ZNF564: variants seen among roughly 807,000 people sequenced by gnomAD.
ZNF564 encodes zinc finger protein 564.
Under a neutral mutation model 10.5 loss-of-function variants are expected in ZNF564, and 5 were observed. That is an observed-to-expected ratio of 0.48 (90% CI 0.25 to 1.00). The LOEUF is 1.00. ZNF564 is among the 50% of genes least tolerant of loss of function. The probability of loss-of-function intolerance (pLI) is 0.16; values close to 1 mark genes in which losing one functional copy is unlikely to be tolerated. For synonymous variants in ZNF564, 242 were observed against 218.1 expected (o/e 1.11, Z -0.97); for missense variants, 603 against 669.7 (o/e 0.90, Z 1.10).
intron 1 of ZNF564, chr19:12,550,575 G>A: frequency 4.8e-6 from 1 of 210,040 alleles, no homozygotes; most frequent in Non-Finnish European, 1.1e-5. Flanking sequence ...AGAATTGCTT[G>A]AACCCGGAAG....
At chr19:12,528,728 A>G in intron 1 of ZNF564, 32 bp from the exon 2 acceptor site, 1 of 1,594,908 alleles carries the variant, frequency 6.3e-7, no homozygotes, top group Non-Finnish European at 8.5e-7. Context: ...ATGCAGGAGG[A>G]AGAATGAGAT....
chr19:12,539,755 C>A (rs1473971511), intron 1 of ZNF564, among the ~76,000 whole-genome samples: 1 of 151,802 alleles, frequency 6.6e-6, no homozygotes, highest in African/African-American at 2.4e-5. Flanking sequence ...GTGGGCGGAT[C>A]ACAAGGTCAG....
At chr19:12,541,842 C>G (rs980847842) in intron 1 of ZNF564, among the ~76,000 whole-genome samples, 1 of 149,492 alleles carries the variant, frequency 6.7e-6, no homozygotes, top group Non-Finnish European at 1.5e-5. Context: ...GGTGAAACCC[C>G]GTCTCTACTA....
At chr19:12,528,104 C>T (rs539139245) in intron 3 of ZNF564, among the ~76,000 whole-genome samples, 188 bp from the exon 4 acceptor site, 1 of 152,234 alleles carries the variant, frequency 6.6e-6, no homozygotes, top group Non-Finnish European at 1.5e-5. Context: ...AAGTGATATC[C>T]ATATATACAG....
intron 1 of ZNF564, among the ~76,000 whole-genome samples, chr19:12,530,792 G>A (rs1398846114): frequency 6.6e-6 from 1 of 152,086 alleles, no homozygotes. Context: ...TTAGAAATGG[G>A]AACTTGCTCC....
rs900772327 is a variant in ZNF564, at chr19:12,540,670, T to C, written c.3+10660A>G. 4.3e-4 allele frequency among the ~76,000 whole-genome samples: 65 copies of C among 151,966 alleles called. 1 individual carries two copies. The highest frequency in any genetic ancestry group is 1.0e-3 in the Admixed American group (16 of 15,246). On this transcript the variant is annotated intron_variant, in intron 1 of 3. Transcript: ENST00000339282. ...GAGATCGCCACCATCCTGGCTAACA[T>C]GATGAAACCCCGTCTCTACTAAAAA...
intron 1 of ZNF564, among the ~76,000 whole-genome samples, chr19:12,539,277 A>T (rs1038484071): frequency 2.6e-5 from 4 of 151,448 alleles, no homozygotes; most frequent in African/African-American, 9.7e-5. Context: ...GGTAGGGAAA[A>T]GGGGCTCTGT....
chr19:12,536,274 T>G (rs982628337), intron 1 of ZNF564, among the ~76,000 whole-genome samples: 109 of 152,158 alleles, frequency 7.2e-4, no homozygotes, highest in Non-Finnish European at 8.7e-4. Flanking sequence ...CCTCCAAGGC[T>G]AAAGTGATCC....
intron 1 of ZNF564, among the ~76,000 whole-genome samples, chr19:12,540,425 A>C (rs1372329762): frequency 6.6e-6 from 1 of 152,216 alleles, no homozygotes; most frequent in Non-Finnish European, 1.5e-5. Context: ...GTCAACATTT[A>C]AAAGAGAGCA....
chr19:12,550,348 C>A, intron 1 of ZNF564: 1 of 147,864 alleles, frequency 6.8e-6, no homozygotes, highest in South Asian at 1.8e-4. Flanking sequence ...CCGTTTCCCT[C>A]TCAGGTTACA....
chr19:12,550,247 G>C (rs1327733357), intron 1 of ZNF564: 1 of 143,378 alleles, frequency 7.0e-6, no homozygotes, highest in Non-Finnish European at 1.5e-5. Flanking sequence ...AGCTGAGATC[G>C]CGCCATTGCA....
chr19:12,548,605 G>A, intron 1 of ZNF564: 1 of 535,198 alleles, frequency 1.9e-6, no homozygotes, highest in Admixed American at 3.1e-5. Context: ...CTGCCTTGGT[G>A]CTGGGATAAC....
Position 12,527,789 on chromosome 19 carries a change from A to C in ZNF564, c.319T>G (p.Leu107Val). 2 of 1,614,128 alleles carry C rather than the reference A, an allele frequency of 1.2e-6. No homozygotes were observed. Among genetic ancestry groups the C allele is most frequent in the Non-Finnish European group, 1.7e-6 (2 of 1,180,028 alleles). The change falls in exon 4 of 4, where the codon TTG (leucine) becomes GTG (valine). Residue 107 changes from leucine (L) to valine (V), a missense_variant. Coordinates refer to ENST00000339282, the MANE Select transcript of ZNF564 (RefSeq NM_144976.4). ...PTIVRPCECS[L>V]CGKVFMHHSS... is the part of the protein sequence containing the mutation. ...TGATGCATGAAGACTTTCCCACACAAACTACATTCACATGGTCTTACTATA... is the reference window on the plus strand; with the variant it reads ...TGATGCATGAAGACTTTCCCACACACACTACATTCACATGGTCTTACTATA...
At chr19:12,531,200 CAA>C (rs1304183378) in intron 1 of ZNF564, among the ~76,000 whole-genome samples, 1 of 152,126 alleles carries the variant, frequency 6.6e-6, no homozygotes, top group Non-Finnish European at 1.5e-5. Flanking sequence ...TAACAATGGT[CAA>C]AGTCTTCTGA....
intron 1 of ZNF564, among the ~76,000 whole-genome samples, chr19:12,534,850 C>T (rs1418547929): frequency 1.3e-5 from 2 of 151,936 alleles, no homozygotes; most frequent in African/African-American, 4.8e-5. Context: ...AACATATAAC[C>T]TAACAATCAT....
rs368171798 is a variant in ZNF564 at position 12,527,486 on chromosome 19, G to A, written c.622C>T (p.Arg208Cys). The A allele has an allele frequency of 2.2e-5, 35 of 1,613,440 alleles. No homozygotes were observed. Among genetic ancestry groups the A allele is most frequent in the East Asian group, 4.5e-5 (2 of 44,836 alleles). ...KCQECGKAFD[R>C]PSLFQIHERT... ...TCATGTATCTGAAATAAACTTGGGC[G>A]ATCAAAGGCTTTCCCACATTCCTGA... The change falls in exon 4 of 4, where the codon CGC becomes TGC. Residue 208 changes from arginine (R) to cysteine (C), a missense_variant. Physicochemically the swap from Arg to Cys is radical, Grantham distance 180. Transcript: ENST00000339282.
intron 1 of ZNF564, among the ~76,000 whole-genome samples, chr19:12,538,170 T>C (rs994791918): frequency 1.3e-4 from 20 of 152,156 alleles, no homozygotes; most frequent in Non-Finnish European, 2.5e-4. Flanking sequence ...ACTGTTAATA[T>C]ATAAATACAA....
chr19:12,551,199 G>C, intron 1 of ZNF564, 131 bp downstream of exon 1: 1 of 1,077,688 alleles, frequency 9.3e-7, no homozygotes, highest in Non-Finnish European at 1.4e-6. Flanking sequence ...AGAGGGCCGA[G>C]CTGCGCCAGG....
intron 1 of ZNF564, among the ~76,000 whole-genome samples, chr19:12,536,074 TAATGATCA>T (rs1355557467): frequency 6.6e-6 from 1 of 151,876 alleles, no homozygotes; most frequent in Admixed American, 6.6e-5. Flanking sequence ...ACTCTGTACT[TAATGATCA>T]ATTTTTCTGT....
Sources: allele counts gnomAD v4.1 joint callset (sites outside exome capture counted in the v4.1 genomes callset), GRCh38; gene constraint gnomAD v4.1.1; transcripts MANE v1.5; gene names NCBI Gene and HGNC (gene_info 2026-07-23, HGNC 2026-07-21).